The following HECTD2 variants were observed in gnomAD, a reference collection of about 807,000 sequenced individuals.
HECTD2 encodes the protein probable E3 ubiquitin-protein ligase HECTD2.
Under a neutral mutation model 103.2 loss-of-function variants are expected in HECTD2, and 35 were observed. The ratio of observed to expected loss-of-function variants is 0.34; its 90% CI spans 0.26 to 0.45. The LOEUF (loss-of-function observed/expected upper bound fraction) is 0.45. HECTD2 is among the 20% of genes least tolerant of loss of function. The pLI is 1.00. For synonymous variants in HECTD2, 281 were observed against 329.9 expected (o/e 0.85, Z 1.61); for missense variants, 596 against 937.4 (o/e 0.64, Z 4.76).
intron 20 of HECTD2, among the ~76,000 whole-genome samples, chr10:91,503,921 T>C (rs563223245): frequency 6.6e-6 from 1 of 152,320 alleles, no homozygotes; most frequent in East Asian, 1.9e-4. Flanking sequence ...AGTACGCAGC[T>C]GGAGATCTGA....
chr10:91,440,089 G>T (rs567413624), intron 2 of HECTD2, among the ~76,000 whole-genome samples: 3 of 152,138 alleles, frequency 2.0e-5, no homozygotes, highest in African/African-American at 7.2e-5. Flanking sequence ...TTGCCTGACT[G>T]CCCTGGCCAA....
Position 91,487,818 on chromosome 10 carries a change from C to A in HECTD2, c.1191+40C>A. On this transcript the variant is annotated intron_variant, in intron 11 of 20. Coordinates refer to ENST00000298068, the MANE Select transcript of HECTD2 (RefSeq NM_182765.6). The surrounding 1 kb of genome is among the most constrained non-coding windows in gnomAD (Gnocchi z 4.1). The stretch of plus-strand genomic sequence containing the variant: ...AAAACATATTTATGCTGACTATAAT[C>A]AGTATAGTAAATAATTTAATAAATA... 1.9e-6 allele frequency: 2 copies of A among 1,059,186 alleles called. No individual in the cohort carries two copies. The highest frequency in any genetic ancestry group is 2.9e-5 in the South Asian group (2 of 69,424). 65.6% of individuals were successfully genotyped at this position (1,059,186 alleles called of 1,614,324 possible).
intron 20 of HECTD2, among the ~76,000 whole-genome samples, chr10:91,507,948 A>C (rs969783534): frequency 4.3e-5 from 6 of 139,140 alleles, no homozygotes; most frequent in African/African-American, 2.0e-4. Flanking sequence ...AACAGAACAG[A>C]GCCCTCAGAA....
chr10:91,434,804 T>C (rs1055815082), intron 2 of HECTD2, among the ~76,000 whole-genome samples: 2 of 152,052 alleles, frequency 1.3e-5, no homozygotes, highest in African/African-American at 4.8e-5. Context: ...ACATACAAAC[T>C]GTACAATCCT....
Position 91,485,369 on chromosome 10 carries a change from T to G in HECTD2, c.1094+66T>G, listed in dbSNP as rs1212262934. 3 of 1,263,324 alleles carry G rather than the reference T, an allele frequency of 2.4e-6. No homozygotes were observed. In the African/African-American group the frequency reaches 4.7e-5, roughly 20 times the overall value. The allele number at this position is 1,263,324 out of a possible 1,614,324, so 78.3% of individuals were successfully genotyped here. A position where few individuals can be genotyped will look rare whatever the true frequency, so the allele number is the denominator to read the frequency against. ...TACTATTCAAAAGAATGACTAGAGT[T>G]TAAGTTTATATGAAGTTTACACATA... On this transcript the variant is annotated intron_variant, in intron 10 of 20. Coordinates refer to ENST00000298068, the MANE Select transcript of HECTD2 (RefSeq NM_182765.6).
chr10:91,420,868 C>T (rs1363519240), intron 1 of HECTD2, among the ~76,000 whole-genome samples: 1 of 152,142 alleles, frequency 6.6e-6, no homozygotes, highest in Admixed American at 6.5e-5. Context: ...GATGGGTTGC[C>T]CCTTAGTTGA....
At chr10:91,409,666 T>A (rs528694740), upstream of HECTD2, among the ~76,000 whole-genome samples, 3 of 152,228 alleles carry the variant, frequency 2.0e-5, no homozygotes, top group Non-Finnish European at 4.4e-5. Flanking sequence ...GCTTTTCCTG[T>A]GTAGGCTGAA....
chr10:91,475,131 G>T (rs531941863), intron 5 of HECTD2, among the ~76,000 whole-genome samples: 1 of 152,298 alleles, frequency 6.6e-6, no homozygotes, highest in South Asian at 2.1e-4. Flanking sequence ...TTTCGGCAGG[G>T]ATCATTTATA....
At chr10:91,436,549 C>T (rs1184776825) in intron 2 of HECTD2, among the ~76,000 whole-genome samples, 1 of 151,960 alleles carries the variant, frequency 6.6e-6, no homozygotes, top group African/African-American at 2.4e-5. Context: ...TCATCTGTGT[C>T]TGGCATTCCC....
In HECTD2 at chr10:91,493,415, T is replaced by C. The variant is rs1329490638; in HGVS notation, c.1433-5T>C. ...AATAATAACATTATTCGTGTGTTTT[T>C]TTAGGCATGTTTACATATCACAAGG... On this transcript the variant is annotated splice_polypyrimidine_tract_variant and splice_region_variant and intron_variant, in intron 13 of 20. Coordinates refer to ENST00000298068, the MANE Select transcript of HECTD2 (RefSeq NM_182765.6). 1 of 1,474,846 alleles carries C rather than the reference T, an allele frequency of 6.8e-7. No homozygotes were observed. Among genetic ancestry groups the C allele is most frequent in the East Asian group, 2.5e-5 (1 of 39,558 alleles). The allele number at this position is 1,474,846 out of a possible 1,614,324, so 91.4% of individuals were successfully genotyped here. A position where few individuals can be genotyped will look rare whatever the true frequency, so the allele number is the denominator to read the frequency against.
At chr10:91,453,120 G>A (rs762424278) in intron 2 of HECTD2, among the ~76,000 whole-genome samples, 1 of 152,114 alleles carries the variant, frequency 6.6e-6, no homozygotes, top group Non-Finnish European at 1.5e-5. Context: ...GGTTCTAAAT[G>A]TATGTAAAGG....
chr10:91,431,537 T>A lies in HECTD2; in HGVS notation c.268+6127T>A, dbSNP rs1843869619. 6.6e-5 allele frequency among the ~76,000 whole-genome samples: 10 copies of A among 152,068 alleles called. No homozygotes were observed. In the South Asian group the frequency reaches 1.9e-3, roughly 28 times the overall value. ...TACACCAATCAGACGCAGATTTGGTTTGTTCACATCGTCCCATATTTCTTG... is the reference window on the plus strand; with the variant it reads ...TACACCAATCAGACGCAGATTTGGTATGTTCACATCGTCCCATATTTCTTG... On this transcript the variant is annotated intron_variant, in intron 2 of 20. Coordinates refer to ENST00000298068, the MANE Select transcript of HECTD2 (RefSeq NM_182765.6).
chr10:91,490,741 A>T (rs1846439018), intron 11 of HECTD2, among the ~76,000 whole-genome samples: 1 of 151,072 alleles, frequency 6.6e-6, no homozygotes, highest in African/African-American at 2.4e-5. Context: ...AATACAAAAA[A>T]TTAGCCGGGC....
At chr10:91,430,088 T>C (rs1843771702) in intron 2 of HECTD2, among the ~76,000 whole-genome samples, 1 of 152,362 alleles carries the variant, frequency 6.6e-6, no homozygotes, top group East Asian at 1.9e-4. Flanking sequence ...ATCTTTGTTC[T>C]TGTTGGTTTC....
At position 91,492,498 on chromosome 10, in the gene HECTD2, C is replaced by G. The variant is rs771661185; in HGVS notation, c.1432+14C>G. The G allele has an allele frequency of 2.5e-6, 4 of 1,581,130 alleles. No individual in the cohort carries two copies. In the African/African-American group the frequency reaches 5.4e-5, roughly 21 times the overall value. Reference sequence around the variant, plus strand: ...ATCCAGATTATGGTAAGTATGTAATCTAATTTTTATAAACTGTGTTTCTTC... The same window carrying G: ...ATCCAGATTATGGTAAGTATGTAATGTAATTTTTATAAACTGTGTTTCTTC... On this transcript the variant is annotated intron_variant, in intron 13 of 20. Transcript: ENST00000298068.
chr10:91,427,952 A>G (rs1055367151), intron 2 of HECTD2, among the ~76,000 whole-genome samples: 1 of 151,764 alleles, frequency 6.6e-6, no homozygotes, highest in Non-Finnish European at 1.5e-5. Flanking sequence ...GTCCTTGCCC[A>G]TGCCTATGTC....
chr10:91,419,791 C>G (rs1392134153), intron 1 of HECTD2, among the ~76,000 whole-genome samples: 1 of 152,160 alleles, frequency 6.6e-6, no homozygotes, highest in Non-Finnish European at 1.5e-5. Flanking sequence ...GAGTATCCCA[C>G]TACTATTCCT....
At chr10:91,496,446 C>T in intron 15 of HECTD2, 74 bp downstream of exon 15, 1 of 988,908 alleles carries the variant, frequency 1.0e-6, no homozygotes, top group Non-Finnish European at 1.5e-6. Flanking sequence ...GTCTCTCCTC[C>T]TAATGCTATT....
chr10:91,410,476 C>A lies in HECTD2; in HGVS notation c.38C>A (p.Pro13Gln), dbSNP rs1200896974. 6.8e-7 allele frequency: 1 copy of A among 1,467,730 alleles called. No individual in the cohort carries two copies. 90.9% of individuals were successfully genotyped at this position (1,467,730 alleles called of 1,614,324 possible). The change falls in exon 1 of 21, where the codon CCG becomes CAG. Residue 13 changes from proline (P) to glutamine (Q), a missense_variant. Transcript: ENST00000298068. Reference protein sequence around the residue: ...EAVRVPSPATPLVVAAPAPEE... With the variant: ...EAVRVPSPATQLVVAAPAPEE... Reference sequence around the variant, plus strand: ...GTTCGGGTACCCTCGCCCGCCACTCCGCTGGTGGTGGCGGCGCCCGCGCCT... The same window carrying A: ...GTTCGGGTACCCTCGCCCGCCACTCAGCTGGTGGTGGCGGCGCCCGCGCCT...
Sources: allele counts gnomAD v4.1 joint callset (sites outside exome capture counted in the v4.1 genomes callset), GRCh38; gene constraint gnomAD v4.1.1; non-coding constraint Gnocchi (gnomAD v3.1); transcripts MANE v1.5; gene names NCBI Gene and HGNC (gene_info 2026-07-23, HGNC 2026-07-21).